The following GRIK4 variants were observed in gnomAD, a reference collection of about 807,000 sequenced individuals.
The protein encoded by GRIK4 is glutamate receptor ionotropic, kainate 4.
In GRIK4, 40 loss-of-function variants were observed where a neutral mutation model predicts 104.9. The observed-to-expected ratio is 0.38, with a 90% CI of 0.30 to 0.50. GRIK4 has a LOEUF of 0.50. Ranked by LOEUF, GRIK4 falls within the 20% of genes least tolerant of loss-of-function variation. GRIK4 has a pLI of 0.93. For synonymous variants in GRIK4, 485 were observed against 524.9 expected (o/e 0.92, Z 1.04); for missense variants, 1,047 against 1,308.1 (o/e 0.80, Z 3.08).
intron 3 of GRIK4, among the ~76,000 whole-genome samples, chr11:120,764,070 T>TG: frequency 6.6e-6 from 1 of 152,318 alleles, no homozygotes; most frequent in East Asian, 1.9e-4. Flanking sequence ...TATTATTGTA[T>TG]GGGAGTCTAA....
chr11:120,514,284 C>G (rs1215397796), intron 1 of GRIK4, among the ~76,000 whole-genome samples: 1 of 152,160 alleles, frequency 6.6e-6, no homozygotes, highest in Non-Finnish European at 1.5e-5. Flanking sequence ...AGATGCCTCT[C>G]AGAACAATTA....
At chr11:120,787,309 G>T (rs1952300178) in intron 3 of GRIK4, among the ~76,000 whole-genome samples, 4 of 152,188 alleles carry the variant, frequency 2.6e-5, no homozygotes, top group African/African-American at 9.6e-5. Context: ...AGCCTGGACA[G>T]CAGAGTGAGA....
chr11:120,873,954 T>C, intron 9 of GRIK4, 112 bp from the exon 10 acceptor site: 1 of 991,610 alleles, frequency 1.0e-6, no homozygotes, highest in Non-Finnish European at 1.5e-6. Context: ...CTTATTTCCC[T>C]TTCTTTTGCT....
chr11:120,695,089 A>G (rs937786885), intron 3 of GRIK4, among the ~76,000 whole-genome samples: 1 of 151,512 alleles, frequency 6.6e-6, no homozygotes, highest in Non-Finnish European at 1.5e-5. Flanking sequence ...TACAATCCAC[A>G]CTCTCAAAGA....
At chr11:120,574,683 A>G (rs915236528) in intron 1 of GRIK4, among the ~76,000 whole-genome samples, 5 of 152,196 alleles carry the variant, frequency 3.3e-5, no homozygotes, top group African/African-American at 9.7e-5. Context: ...CTCAGCTGGT[A>G]TGGAGTAGAT....
Position 120,905,368 on chromosome 11 carries a change from A to G in GRIK4, c.1351A>G (p.Met451Val). 1.2e-6 allele frequency: 2 copies of G among 1,614,070 alleles called. No homozygotes were observed. The highest frequency in any genetic ancestry group is 1.7e-6 in the Non-Finnish European group (2 of 1,179,884). Residue 451 changes from methionine to valine, a missense_variant, in exon 13 of 21, where the codon ATG (methionine) becomes GTG (valine). Transcript: ENST00000527524. The surrounding 1 kb of genome is among the most constrained non-coding windows in gnomAD (Gnocchi z 5.1). ...CCGCTACGAGGGCTTCTGTGTGGAC[A>G]TGCTCAAGGAGCTGGCAGAGATCCT... is the stretch of plus-strand genomic sequence containing the variant. ...NDRYEGFCVDMLKELAEILRF... is the reference protein window; with the variant it reads ...NDRYEGFCVDVLKELAEILRF...
chr11:120,542,787 A>T (rs1005968268), intron 1 of GRIK4, among the ~76,000 whole-genome samples: 1 of 152,286 alleles, frequency 6.6e-6, no homozygotes, highest in African/African-American at 2.4e-5. Context: ...TAATAAAAAA[A>T]GACAGAAGAT....
rs577038434 is a variant in GRIK4, at chr11:120,986,016, C to T, written c.2627C>T (p.Pro876Leu). The T allele has an allele frequency of 6.5e-7, 1 of 1,526,792 alleles. No individual in the cohort carries two copies. Among genetic ancestry groups the T allele is most frequent in the African/African-American group, 1.4e-5 (1 of 69,904 alleles). The allele number at this position is 1,526,792 out of a possible 1,614,324, so 94.6% of individuals were successfully genotyped here. The change falls in exon 21 of 21, where the codon CCC becomes CTC. Residue 876 changes from proline (P) to leucine (L), a missense_variant. Around this residue, in one of 3 missense-constraint regions of GRIK4, gnomAD observed 160 missense variants for 140.9 expected, o/e 1.14. Coordinates refer to ENST00000527524, the MANE Select transcript of GRIK4 (RefSeq NM_014619.5). ...AAVPPPRPPI[P>L]EERRPRGTAT... is the part of the protein sequence containing the mutation. ...GTCCCGCCGCCCCGGCCCCCCATCC[C>T]CGAGGAGCGCCGACCGCGGGGCACG... is the stretch of plus-strand genomic sequence containing the variant.
chr11:120,516,163 C>T (rs1215892216), intron 1 of GRIK4, among the ~76,000 whole-genome samples: 1 of 152,220 alleles, frequency 6.6e-6, no homozygotes, highest in Non-Finnish European at 1.5e-5. Context: ...GTTGTGGAGT[C>T]CCCTGTTTGG....
intron 3 of GRIK4, among the ~76,000 whole-genome samples, chr11:120,704,109 T>C (rs1256308750): frequency 6.6e-6 from 1 of 152,252 alleles, no homozygotes; most frequent in Admixed American, 6.5e-5. Flanking sequence ...AAGCAGTGTA[T>C]TTCTTGTGTT....
chr11:120,840,435 A>G (rs1447564133), intron 8 of GRIK4, among the ~76,000 whole-genome samples: 6 of 152,212 alleles, frequency 3.9e-5, no homozygotes, highest in African/African-American at 4.8e-5. Context: ...CATTCCCCAC[A>G]GAGGAAATCT....
At chr11:120,861,894 A>G (rs1011724029) in intron 8 of GRIK4, 65 bp from the exon 9 acceptor site, 2 of 1,258,134 alleles carry the variant, frequency 1.6e-6, no homozygotes, top group Non-Finnish European at 1.2e-6. Context: ...ATGCTTTACC[A>G]AAGTCCATCC....
At chr11:120,638,670 G>A (rs1430471590) in intron 1 of GRIK4, among the ~76,000 whole-genome samples, 1 of 151,492 alleles carries the variant, frequency 6.6e-6, no homozygotes, top group Non-Finnish European at 1.5e-5. Context: ...GTGGAGACAG[G>A]GTTTCACCAT....
intron 3 of GRIK4, among the ~76,000 whole-genome samples, chr11:120,790,800 C>T (rs1422889309): frequency 6.6e-6 from 1 of 152,050 alleles, no homozygotes; most frequent in Non-Finnish European, 1.5e-5. Context: ...GAGGCAGATC[C>T]CTCAGCAGTC....
chr11:120,790,737 C>T (rs1261220921), intron 3 of GRIK4, among the ~76,000 whole-genome samples: 1 of 151,998 alleles, frequency 6.6e-6, no homozygotes, highest in African/African-American at 2.4e-5. Context: ...AGACATATTG[C>T]AAAAGAAAGC....
intron 9 of GRIK4, chr11:120,872,024 C>T (rs749285444): frequency 2.9e-4 from 120 of 416,644 alleles, no homozygotes; most frequent in Non-Finnish European, 5.4e-4. Context: ...TGCCTGTAGC[C>T]CCCTGTCCTT....
intron 1 of GRIK4, among the ~76,000 whole-genome samples, chr11:120,591,914 G>A (rs1489709983): frequency 6.6e-6 from 1 of 152,164 alleles, no homozygotes; most frequent in East Asian, 1.9e-4. Context: ...GCTGAATCAG[G>A]GGAGAGATCT....
At chr11:120,954,832 A>AC (rs1944103422) in intron 15 of GRIK4, among the ~76,000 whole-genome samples, 92 of 7,972 alleles carry the variant, frequency 0.012, 4 homozygotes, top group South Asian at 0.033. Flanking sequence ...CACACACACA[A>AC]ACAATACTGG....
intron 1 of GRIK4, among the ~76,000 whole-genome samples, chr11:120,607,764 T>C (rs565323502): frequency 3.9e-5 from 6 of 152,158 alleles, no homozygotes; most frequent in African/African-American, 1.2e-4. Context: ...GTGTCACTTA[T>C]AGTCACTTAA....
Sources: allele counts gnomAD v4.1 joint callset (sites outside exome capture counted in the v4.1 genomes callset), GRCh38; gene constraint gnomAD v4.1.1; regional missense constraint gnomAD v4.1.1; non-coding constraint Gnocchi (gnomAD v3.1); transcripts MANE v1.5; gene names NCBI Gene and HGNC (gene_info 2026-07-23, HGNC 2026-07-21).